OCLN: variants seen among roughly 807,000 people sequenced by gnomAD.
The protein encoded by OCLN is phosphatase 1, regulatory subunit 115.
OCLN carries 21 observed loss-of-function variants against 47.9 expected under a neutral mutation model. The ratio of observed to expected loss-of-function variants is 0.44; its 90% confidence interval spans 0.31 to 0.63. OCLN has a LOEUF of 0.63. Ranked by LOEUF, OCLN falls within the 30% of genes least tolerant of loss-of-function variation. OCLN has a pLI of 0.08. For missense variants in OCLN, 360 were observed against 571.0 expected, an observed-to-expected ratio of 0.63 and a Z score of 3.77; for synonymous variants, 117 against 198.4, an observed-to-expected ratio of 0.59 and a Z score of 3.45.
chr5:69,512,393 C>T (rs1021544835), intron 3 of OCLN, among the ~76,000 whole-genome samples: 2 of 152,200 alleles, frequency 1.3e-5, no homozygotes, highest in Non-Finnish European at 2.9e-5. Flanking sequence ...TCTGGGCTCT[C>T]AGTTCAGCTG....
chr5:69,515,102 C>A (rs1232341335), intron 4 of OCLN, among the ~76,000 whole-genome samples: 1 of 151,574 alleles, frequency 6.6e-6, no homozygotes, highest in African/African-American at 2.4e-5. Context: ...TAGGGGCGGC[C>A]GGGCAGAGGC....
At chr5:69,533,888 C>T (rs1769517786) in intron 4 of OCLN, among the ~76,000 whole-genome samples, 2 of 152,176 alleles carry the variant, frequency 1.3e-5, no homozygotes, top group Non-Finnish European at 2.9e-5. Flanking sequence ...TCTCGATCTC[C>T]TGACCTCATG....
Position 69,493,399 on chromosome 5 carries a change from A to T in OCLN, c.-69+499A>T, listed in dbSNP as rs1404019206. ...GGGGAATTTCATTCCTTCCGCTCCC[A>T]CCCCACCCCTTTGGATATCCCGGGG... On this transcript the variant is annotated intron_variant, in intron 1 of 8. Transcript: ENST00000396442. The surrounding 1 kb of genome is among the most constrained non-coding windows in gnomAD (Gnocchi z 5.3). Among the ~76,000 whole-genome samples, 10 of 151,354 alleles carry T rather than the reference A, an allele frequency of 6.6e-5. No individual in the cohort carries two copies. Among genetic ancestry groups the T allele is most frequent in the Admixed American group, 5.9e-4 (9 of 15,214 alleles).
chr5:69,534,561 T>C, intron 4 of OCLN, 133 bp from the exon 5 acceptor site: 1 of 290,106 alleles, frequency 3.4e-6, no homozygotes. Context: ...AATGATTGCC[T>C]TTTTATTATT....
At chr5:69,506,183 G>C (rs931857165) in intron 2 of OCLN, among the ~76,000 whole-genome samples, 1 of 152,218 alleles carries the variant, frequency 6.6e-6, no homozygotes, top group Non-Finnish European at 1.5e-5. Context: ...GGTGGTGCAT[G>C]CCTGTTATCC....
intron 2 of OCLN, among the ~76,000 whole-genome samples, chr5:69,507,064 G>A (rs188003021): frequency 2.2e-4 from 33 of 152,250 alleles, no homozygotes; most frequent in African/African-American, 5.5e-4. Context: ...CTGTCCTGAC[G>A]TATGATCATT....
At chr5:69,536,032 G>A (rs1394819925) in intron 5 of OCLN, among the ~76,000 whole-genome samples, 17,480 of 113,784 alleles carry the variant, frequency 0.15, 7 homozygotes, top group African/African-American at 0.37. Flanking sequence ...CAGGAGAGTC[G>A]GTTTAACCCG....
rs1768536710 is a variant in OCLN at position 69,504,313 on chromosome 5, A to ACAT, written c.50+19_50+20insCAT. ...ATGAATTGTAAGTAAATAATTCTTT[A>ACAT]GTTATTCTCTTTTAAAAAGTCTATC... On this transcript the variant is annotated intron_variant, in intron 2 of 8. Transcript: ENST00000396442. 6.8e-7 allele frequency: 1 copy of ACAT among 1,474,452 alleles called. No individual in the cohort carries two copies. The highest frequency in any genetic ancestry group is 9.5e-7 in the Non-Finnish European group (1 of 1,054,498). 91.3% of individuals were successfully genotyped at this position (1,474,452 alleles called of 1,614,324 possible).
At chr5:69,507,111 A>G (rs1223658334) in intron 2 of OCLN, among the ~76,000 whole-genome samples, 3 of 152,148 alleles carry the variant, frequency 2.0e-5, no homozygotes, top group Non-Finnish European at 4.4e-5. Context: ...GTATATCCTA[A>G]ACATTTCAGT....
At chr5:69,492,566 G>A (rs577052892), upstream of OCLN, 1 of 152,364 alleles carries the variant, frequency 6.6e-6, no homozygotes, top group Non-Finnish European at 1.5e-5. Context: ...CTACACTCCC[G>A]CGTCCACCTC....
chr5:69,518,359 T>A (rs2112011878), intron 4 of OCLN, among the ~76,000 whole-genome samples: 1 of 152,328 alleles, frequency 6.6e-6, no homozygotes, highest in East Asian at 1.9e-4. Flanking sequence ...TTTTATGTGA[T>A]TCTTAACCAG....
At position 69,502,449 on chromosome 5, in the gene OCLN, A is replaced by G. The variant is rs555980135; in HGVS notation, c.-68-1728A>G. On this transcript the variant is annotated intron_variant, in intron 1 of 8. Transcript: ENST00000396442. ...AGAGGTTTTGCAGGCAGAGATATCC[A>G]TGGTCCAATCTGGTTCCTGTAAACA... 4 of 152,330 alleles carry G rather than the reference A, an allele frequency of 2.6e-5. 1 individual carries two copies. Among genetic ancestry groups the G allele is most frequent in the South Asian group, 4.1e-4 (2 of 4,832 alleles). 9.4% of individuals were successfully genotyped at this position (152,330 alleles called of 1,614,324 possible). A position where few individuals can be genotyped will look rare whatever the true frequency, so the allele number is the denominator to read the frequency against.
At chr5:69,516,161 G>T (rs1458627314) in intron 4 of OCLN, among the ~76,000 whole-genome samples, 1 of 151,934 alleles carries the variant, frequency 6.6e-6, no homozygotes, top group East Asian at 2.0e-4. Flanking sequence ...GGAGGTGGAG[G>T]TTGTAGCGAG....
At chr5:69,502,780 G>T (rs1580546458) in intron 1 of OCLN, among the ~76,000 whole-genome samples, 1 of 152,144 alleles carries the variant, frequency 6.6e-6, no homozygotes, top group East Asian at 1.9e-4. Flanking sequence ...GCTGAGACTT[G>T]TCTTTTTCCT....
At chr5:69,513,319 G>A (rs555468364) in intron 3 of OCLN, among the ~76,000 whole-genome samples, 1 of 152,166 alleles carries the variant, frequency 6.6e-6, no homozygotes, top group Non-Finnish European at 1.5e-5. Context: ...GCCCTTTCTA[G>A]TAGTATGCAA....
chr5:69,553,649 A>C lies in OCLN; in HGVS notation c.1547A>C (p.Asp516Ala). The C allele has an allele frequency of 4.3e-6, 7 of 1,613,886 alleles. No homozygotes were observed. Among genetic ancestry groups the C allele is most frequent in the Non-Finnish European group, 5.9e-6 (7 of 1,179,948 alleles). The change falls in exon 9 of 9, where the codon GAC becomes GCC. Residue 516 changes from aspartate to alanine, a missense_variant. Asp to Ala is a moderately radical substitution (Grantham distance 126). Around this residue, in one of 3 missense-constraint regions of OCLN, gnomAD observed 25 missense variants for 43.9 expected, o/e 0.57. Coordinates refer to ENST00000396442, the MANE Select transcript of OCLN (RefSeq NM_001205254.2). ...TCACACATCAAGAAGATGGTTGGAG[A>C]CTATGATAGACAGAAAACATAGAAG... ...KLSHIKKMVG[D>A]YDRQKT
In OCLN at chr5:69,554,384, TTG is replaced by T. The variant is rs1262806381; in HGVS notation, c.*719_*720del. On this transcript the variant is annotated 3_prime_UTR_variant, in exon 9 of 9. Coordinates refer to ENST00000396442, the MANE Select transcript of OCLN (RefSeq NM_001205254.2). ...AAGTTTAAACCCCGTGGTTAGAATT[TTG>T]TGTGTTTTTAAATACTTTTTATCTT... The T allele has an allele frequency of 3.3e-5, 5 of 152,148 alleles. No individual in the cohort carries two copies. Among genetic ancestry groups the T allele is most frequent in the Non-Finnish European group, 5.9e-5 (4 of 68,036 alleles). 9.4% of individuals were successfully genotyped at this position (152,148 alleles called of 1,614,324 possible).
At chr5:69,516,629 A>G (rs1263178270) in intron 4 of OCLN, among the ~76,000 whole-genome samples, 9 of 152,246 alleles carry the variant, frequency 5.9e-5, no homozygotes, top group African/African-American at 2.2e-4. Flanking sequence ...AGGCAAAGAC[A>G]GATTAGAAAA....
At position 69,504,304 on chromosome 5, in the gene OCLN, TA is replaced by T; in HGVS notation, c.50+12del. 6.6e-7 allele frequency: 1 copy of T among 1,524,040 alleles called. No homozygotes were observed. The highest frequency in any genetic ancestry group is 9.1e-7 in the Non-Finnish European group (1 of 1,098,862). The allele number at this position is 1,524,040 out of a possible 1,614,324, so 94.4% of individuals were successfully genotyped here. ...ACAGGCCTGATGAATTGTAAGTAAA[TA>T]ATTCTTTAGTTATTCTCTTTTAAAA... On this transcript the variant is annotated intron_variant, in intron 2 of 8. Transcript: ENST00000396442.
Sources: gnomAD v4.1 joint callset for allele counts (sites outside exome capture counted in the v4.1 genomes callset) on GRCh38, gnomAD v4.1.1 for gene constraint, gnomAD v4.1.1 regional missense constraint, Gnocchi (gnomAD v3.1) non-coding constraint, MANE v1.5 for transcripts, NCBI Gene and HGNC (gene_info 2026-07-23, HGNC 2026-07-21) for gene names.